MRC1: variants seen among roughly 807,000 people sequenced by gnomAD.
MRC1 encodes macrophage mannose receptor 1.
A neutral mutation model predicts 102.9 loss-of-function variants in MRC1; 62 were observed. The observed-to-expected ratio is 0.60, with a 90% CI of 0.49 to 0.74. MRC1 has a LOEUF of 0.74. Ranked by LOEUF, MRC1 falls within the 30% of genes least tolerant of loss-of-function variation. The pLI, the probability that MRC1 is intolerant of heterozygous loss-of-function variation, is 0.00. For synonymous variants in MRC1, 457 were observed against 298.4 expected (o/e 1.53, Z -5.48); for missense variants, 1,237 against 862.8 (o/e 1.43, Z -5.43).
intron 28 of MRC1, 133 bp from the exon 29 acceptor site, chr10:17,909,173 C>T: frequency 1.5e-6 from 1 of 674,068 alleles, no homozygotes; most frequent in Middle Eastern, 3.5e-4. Context: ...TTATATCTAT[C>T]ATATCATAAT....
At chr10:17,815,072 T>C (rs1311464497) in intron 1 of MRC1, among the ~76,000 whole-genome samples, 2 of 152,260 alleles carry the variant, frequency 1.3e-5, no homozygotes, top group East Asian at 3.9e-4. Flanking sequence ...TTAACAATAA[T>C]AATAATGAAT....
chr10:17,836,867 AAAAG>A (rs1174208694), intron 4 of MRC1, among the ~76,000 whole-genome samples: 1 of 152,160 alleles, frequency 6.6e-6, no homozygotes, highest in Non-Finnish European at 1.5e-5. Flanking sequence ...AATTTAAAAA[AAAAG>A]GAAAGAAAAT....
Position 17,908,386 on chromosome 10 carries a change from T to C in MRC1, c.4078+688T>C, listed in dbSNP as rs911282261. ...ACCTCCTGGGTTCAAGCGATTCTCC[T>C]GCCTCAGCCTCCCGAGTAGCTGGGA... On this transcript the variant is annotated intron_variant, in intron 28 of 29. Transcript: ENST00000569591. 2.6e-5 allele frequency among the ~76,000 whole-genome samples: 4 copies of C among 152,238 alleles called. 1 individual carries two copies. The highest frequency in any genetic ancestry group is 1.9e-4 in the East Asian group (1 of 5,172).
intron 1 of MRC1, among the ~76,000 whole-genome samples, chr10:17,813,865 C>G (rs1838265815): frequency 6.6e-6 from 1 of 151,534 alleles, no homozygotes; most frequent in Non-Finnish European, 1.5e-5. Context: ...GCCTGGCTAA[C>G]TTTTGTGTTT....
At chr10:17,881,955 A>G (rs1395060698) in intron 21 of MRC1, among the ~76,000 whole-genome samples, 3 of 144,634 alleles carry the variant, frequency 2.1e-5, no homozygotes, top group Non-Finnish European at 4.5e-5. Context: ...GTGAGTCACC[A>G]TACCTGGCTT....
chr10:17,840,829 C>A (rs953760612), intron 5 of MRC1, 23 bp downstream of exon 5: 1 of 780,680 alleles, frequency 1.3e-6, no homozygotes, highest in South Asian at 1.3e-5. Context: ...CTGTTTGTGT[C>A]GAATTAATCC....
intron 5 of MRC1, among the ~76,000 whole-genome samples, chr10:17,844,455 G>A (rs1225332485): frequency 1.3e-5 from 2 of 152,026 alleles, no homozygotes; most frequent in African/African-American, 4.8e-5. Context: ...CCTGACCTCA[G>A]TTGATCCATC....
At chr10:17,814,204 C>A (rs1178498744) in intron 1 of MRC1, among the ~76,000 whole-genome samples, 1 of 152,078 alleles carries the variant, frequency 6.6e-6, no homozygotes, top group Non-Finnish European at 1.5e-5. Flanking sequence ...AAGACCAGAG[C>A]TAACTCTTCA....
At chr10:17,877,225 T>C (rs1439813521) in intron 17 of MRC1, among the ~76,000 whole-genome samples, 6 of 148,382 alleles carry the variant, frequency 4.0e-5, no homozygotes, top group African/African-American at 9.8e-5. Context: ...TCCTGGCTCA[T>C]ACACAGATAT....
intron 5 of MRC1, among the ~76,000 whole-genome samples, chr10:17,843,789 G>T (rs1184206283): frequency 6.6e-6 from 1 of 152,046 alleles, no homozygotes; most frequent in Non-Finnish European, 1.5e-5. Flanking sequence ...ACTTTAAAAA[G>T]GTTATTTAGG....
intron 2 of MRC1, among the ~76,000 whole-genome samples, chr10:17,825,688 T>G (rs1838464864): frequency 1.3e-5 from 2 of 152,186 alleles, no homozygotes; most frequent in African/African-American, 4.8e-5. Context: ...GAGCCATCAT[T>G]GCGCCACCTA....
At position 17,827,497 on chromosome 10, in the gene MRC1, G is replaced by A. The variant is rs1046060217; in HGVS notation, c.464-45G>A. 667 of 661,578 alleles carry A rather than the reference G, an allele frequency of 1.0e-3. 6 individuals are homozygous for A. Among genetic ancestry groups the A allele is most frequent in the Middle Eastern group, 7.7e-3 (29 of 3,790 alleles). The allele number at this position is 661,578 out of a possible 1,614,324, so 41.0% of individuals were successfully genotyped here. On this transcript the variant is annotated intron_variant, in intron 2 of 29. Transcript: ENST00000569591. ...CTTCTTATTGGAAAGTTAATGTTCAGAAATATCACTCACATTCCAAGTTCA... is the reference window on the plus strand; with the variant it reads ...CTTCTTATTGGAAAGTTAATGTTCAAAAATATCACTCACATTCCAAGTTCA...
At chr10:17,828,171 A>G (rs1925553) in intron 3 of MRC1, among the ~76,000 whole-genome samples, 109,445 of 152,086 alleles carry the variant, frequency 0.72, 40,504 homozygotes, top group African/African-American at 0.89. Flanking sequence ...CCGCCTCCCG[A>G]GTTCACGCCC....
chr10:17,888,398 C>CTG (rs1833629586), intron 22 of MRC1, among the ~76,000 whole-genome samples: 1 of 152,132 alleles, frequency 6.6e-6, no homozygotes, highest in Non-Finnish European at 1.5e-5. Context: ...GGAGTGTAGG[C>CTG]TGTGATTCAC....
At position 17,910,535 on chromosome 10, in the gene MRC1, A is replaced by G; in HGVS notation, c.*70A>G. The G allele has an allele frequency of 6.4e-6, 5 of 779,610 alleles. No homozygotes were observed. Among genetic ancestry groups the G allele is most frequent in the East Asian group, 2.4e-5 (1 of 41,244 alleles). The allele number at this position is 779,610 out of a possible 1,614,324, so 48.3% of individuals were successfully genotyped here. A position where few individuals can be genotyped will look rare whatever the true frequency, so the allele number is the denominator to read the frequency against. ...ACTGAAATTTAAAATTTTTAGTTCA[A>G]TGTGATTGTTTTCTTTAAAATGAGT... On this transcript the variant is annotated 3_prime_UTR_variant, in exon 30 of 30. Coordinates refer to ENST00000569591, the MANE Select transcript of MRC1 (RefSeq NM_002438.4).
intron 4 of MRC1, among the ~76,000 whole-genome samples, chr10:17,840,009 T>C (rs1028525259): frequency 3.6e-5 from 5 of 138,596 alleles, no homozygotes; most frequent in Non-Finnish European, 4.5e-5. Context: ...GAGGTTGCAG[T>C]GAGTGGAGAT....
At chr10:17,892,144 C>G (rs1180827270) in intron 22 of MRC1, among the ~76,000 whole-genome samples, 3 of 152,092 alleles carry the variant, frequency 2.0e-5, no homozygotes, top group Admixed American at 2.0e-4. Flanking sequence ...AATGAATGCT[C>G]TGTCGTATTT....
At chr10:17,836,267 A>T (rs1233757187) in intron 4 of MRC1, among the ~76,000 whole-genome samples, 2 of 152,190 alleles carry the variant, frequency 1.3e-5, no homozygotes, top group African/African-American at 4.8e-5. Flanking sequence ...TAGAAAAGCA[A>T]TATGATGTCA....
chr10:17,884,596 G>A (rs1833564206), intron 21 of MRC1, among the ~76,000 whole-genome samples: 1 of 152,190 alleles, frequency 6.6e-6, no homozygotes, highest in Non-Finnish European at 1.5e-5. Context: ...GGTGGCAGGA[G>A]AGAGAAGTGC....
Sources: allele counts gnomAD v4.1 joint callset (sites outside exome capture counted in the v4.1 genomes callset), GRCh38; gene constraint gnomAD v4.1.1; transcripts MANE v1.5; gene names NCBI Gene and HGNC (gene_info 2026-07-23, HGNC 2026-07-21).